GMPR: variants seen among roughly 807,000 people sequenced by gnomAD.
The protein encoded by GMPR is GMP reductase 1.
Under a neutral mutation model 38.4 loss-of-function variants are expected in GMPR, and 31 were observed. The observed-to-expected ratio is 0.81, with a 90% confidence interval of 0.61 to 1.09. The LOEUF (loss-of-function observed/expected upper bound fraction) is 1.09. Ranked by LOEUF, GMPR falls within the 50% of genes least tolerant of loss-of-function variation. The pLI is 0.00. For synonymous variants in GMPR, 162 were observed against 173.3 expected (o/e 0.93, Z 0.51); for missense variants, 468 against 453.7 (o/e 1.03, Z -0.29).
intron 3 of GMPR, among the ~76,000 whole-genome samples, chr6:16,251,944 G>A (rs1758884092): frequency 6.6e-6 from 1 of 152,120 alleles, no homozygotes; most frequent in East Asian, 1.9e-4. Context: ...GCCACAGACA[G>A]GTCTCCCTGG....
rs114106077 is a variant in GMPR, at chr6:16,263,620, A to C, written c.465+8885A>C. On this transcript the variant is annotated intron_variant, in intron 4 of 8. Coordinates refer to ENST00000259727, the MANE Select transcript of GMPR (RefSeq NM_006877.4). ...AGAGATAAGAGGTCGGGTTGCAGAG[A>C]TAAGAGGTCGGGGCACGGAAATAAG... Among the ~76,000 whole-genome samples the C allele has an allele frequency of 9.4e-3, 1,432 of 151,722 alleles. 26 individuals carry two copies. Among genetic ancestry groups the C allele is most frequent in the African/African-American group, 0.032 (1,338 of 41,350 alleles).
At chr6:16,282,567 T>G (rs1215705180) in intron 6 of GMPR, among the ~76,000 whole-genome samples, 2 of 152,222 alleles carry the variant, frequency 1.3e-5, no homozygotes, top group Non-Finnish European at 2.9e-5. Flanking sequence ...CTGAGCCTCT[T>G]TCCACCGTCC....
Position 16,286,390 on chromosome 6 carries a change from C to A in GMPR, c.697+555C>A, listed in dbSNP as rs996201100. Among the ~76,000 whole-genome samples, 11 of 151,916 alleles carry A rather than the reference C, an allele frequency of 7.2e-5. No individual in the cohort carries two copies. The South Asian group carries it at 1.7e-3, about 23-fold the overall frequency. ...TCTCAACACCACAAGCAGTAAAGTA[C>A]GGCTGCCGAGCCATGTGTTGGCCAT... On this transcript the variant is annotated intron_variant, in intron 7 of 8. Transcript: ENST00000259727.
chr6:16,271,539 A>G (rs1481841073), intron 4 of GMPR, among the ~76,000 whole-genome samples: 1 of 152,160 alleles, frequency 6.6e-6, no homozygotes, highest in Non-Finnish European at 1.5e-5. Flanking sequence ...GCTTCTCTAA[A>G]GTTTTTGTGG....
rs143936087 is a variant in GMPR at position 16,259,718 on chromosome 6, A to C, written c.465+4983A>C. On this transcript the variant is annotated intron_variant, in intron 4 of 8. Coordinates refer to ENST00000259727, the MANE Select transcript of GMPR (RefSeq NM_006877.4). Reference sequence around the variant, plus strand: ...ATGAATTGAAAAACTAAACGGAATAAGAGAAGGAGAAAAACAGGTATTAAA... The same window carrying C: ...ATGAATTGAAAAACTAAACGGAATACGAGAAGGAGAAAAACAGGTATTAAA... Among the ~76,000 whole-genome samples the C allele has an allele frequency of 3.7e-3, 559 of 152,226 alleles. 3 individuals are homozygous for C. Among genetic ancestry groups the C allele is most frequent in the African/African-American group, 0.012 (493 of 41,578 alleles).
Position 16,241,960 on chromosome 6 carries a change from A to T in GMPR, c.87+3180A>T, listed in dbSNP as rs186754452. Among the ~76,000 whole-genome samples, 466 of 152,088 alleles carry T rather than the reference A, an allele frequency of 3.1e-3. 6 individuals are homozygous for T. Among genetic ancestry groups the T allele is most frequent in the African/African-American group, 0.011 (458 of 41,472 alleles). On this transcript the variant is annotated intron_variant, in intron 1 of 8. Coordinates refer to ENST00000259727, the MANE Select transcript of GMPR (RefSeq NM_006877.4). The stretch of plus-strand genomic sequence containing the variant: ...CACCGTGTTGGCCAGGCTGGTCTTG[A>T]ACTCTTGACTTCAGGTGATCTGCCT...
chr6:16,282,974 A>G (rs560358364), intron 6 of GMPR, among the ~76,000 whole-genome samples: 5 of 151,656 alleles, frequency 3.3e-5, no homozygotes. Context: ...ACACCCAACT[A>G]ATTTCTGTAG....
chr6:16,295,116 A>C lies in GMPR; in HGVS notation c.968A>C (p.Lys323Thr), dbSNP rs1759911975. 3 of 1,579,196 alleles carry C rather than the reference A, an allele frequency of 1.9e-6. No homozygotes were observed. Among genetic ancestry groups the C allele is most frequent in the Middle Eastern group, 1.7e-4 (1 of 5,864 alleles). Residue 323 changes from lysine to threonine, a missense_variant, in exon 9 of 9, where the codon AAA (lysine) becomes ACA (threonine). Transcript: ENST00000259727. ...RSTCTYVGAA[K>T]LKELSRRATF... ...ACGTGCACCTACGTGGGGGCCGCCA[A>C]ACTCAAGGAGCTCAGCAGGAGGGCA...
At position 16,246,861 on chromosome 6, in the gene GMPR, TCA is replaced by T. The variant is rs1758767517; in HGVS notation, c.109_110del (p.Thr37ValfsTer25). ...CAACAGGTGGATCTTGAACGCACCT[TCA>T]CGTTTCGAAATTCAAAGCAGACCTA... is the stretch of plus-strand genomic sequence containing the variant. On this transcript the variant is annotated frameshift_variant, in exon 2 of 9. Transcript: ENST00000259727. LOFTEE classifies it high-confidence loss of function. 1 of 1,613,538 alleles carries T rather than the reference TCA, an allele frequency of 6.2e-7. No homozygotes were observed. Among genetic ancestry groups the T allele is most frequent in the South Asian group, 1.1e-5 (1 of 91,064 alleles).
At chr6:16,273,517 G>T (rs573617579) in intron 4 of GMPR, among the ~76,000 whole-genome samples, 4 of 152,308 alleles carry the variant, frequency 2.6e-5, no homozygotes, top group African/African-American at 9.6e-5. Context: ...ACTTCCTGGA[G>T]GCTTGTGTGT....
At chr6:16,286,616 T>G (rs1759686454) in intron 7 of GMPR, among the ~76,000 whole-genome samples, 1 of 152,056 alleles carries the variant, frequency 6.6e-6, no homozygotes, top group Non-Finnish European at 1.5e-5. Flanking sequence ...TTGGTTTTTG[T>G]TTTTAATTTT....
Position 16,238,656 on chromosome 6 carries a change from C to CCGCCGT in GMPR, c.-32_-27dup. 4.6e-6 allele frequency: 5 copies of CCGCCGT among 1,091,538 alleles called. No homozygotes were observed. Among genetic ancestry groups the CCGCCGT allele is most frequent in the Non-Finnish European group, 5.9e-6 (5 of 844,738 alleles). The allele number at this position is 1,091,538 out of a possible 1,614,324, so 67.6% of individuals were successfully genotyped here. A position where few individuals can be genotyped will look rare whatever the true frequency, so the allele number is the denominator to read the frequency against. On this transcript the variant is annotated 5_prime_UTR_variant, in exon 1 of 9. Coordinates refer to ENST00000259727, the MANE Select transcript of GMPR (RefSeq NM_006877.4). ...GCCGCCCCGCGCAGGCGCCCCCGCCCCGCCGTCGCCGCCGCCGCAGCCAGG... is the reference window on the plus strand; with the variant it reads ...GCCGCCCCGCGCAGGCGCCCCCGCCCCGCCGTCGCCGTCGCCGCCGCCGCAGCCAGG...
chr6:16,240,474 CA>C (rs1388850207), intron 1 of GMPR, among the ~76,000 whole-genome samples: 1 of 151,846 alleles, frequency 6.6e-6, no homozygotes, highest in Non-Finnish European at 1.5e-5. Flanking sequence ...CTGGAGATTA[CA>C]ACAAAAATTT....
intron 4 of GMPR, among the ~76,000 whole-genome samples, chr6:16,273,104 G>T (rs1012744954): frequency 6.6e-6 from 1 of 152,066 alleles, no homozygotes; most frequent in Non-Finnish European, 1.5e-5. Context: ...TCCTCTTTCT[G>T]GGCCATCTGT....
intron 4 of GMPR, among the ~76,000 whole-genome samples, chr6:16,270,981 G>A (rs887819128): frequency 2.2e-4 from 33 of 152,124 alleles, no homozygotes; most frequent in African/African-American, 8.0e-4. Flanking sequence ...GAGGCCAGGA[G>A]TTAGAGACCA....
chr6:16,267,969 C>A (rs2113688672), intron 4 of GMPR, among the ~76,000 whole-genome samples: 1 of 152,290 alleles, frequency 6.6e-6, no homozygotes, highest in African/African-American at 2.4e-5. Flanking sequence ...AGGTTCTGAG[C>A]CACACAGATG....
intron 5 of GMPR, 118 bp from the exon 6 acceptor site, chr6:16,278,666 C>A: frequency 1.3e-6 from 1 of 746,664 alleles, no homozygotes; most frequent in Non-Finnish European, 2.4e-6. Context: ...ATCTCCTCTG[C>A]CACAGAGGTT....
chr6:16,244,612 G>A (rs762981434), intron 1 of GMPR, among the ~76,000 whole-genome samples: 1 of 152,116 alleles, frequency 6.6e-6, no homozygotes, highest in Non-Finnish European at 1.5e-5. Context: ...TGGGGGAGGG[G>A]ACTTTGTTAC....
intron 3 of GMPR, among the ~76,000 whole-genome samples, chr6:16,252,838 C>T (rs748064166): frequency 6.6e-6 from 1 of 152,092 alleles, no homozygotes; most frequent in Non-Finnish European, 1.5e-5. Flanking sequence ...GAGGCCCAGG[C>T]GTGAATGCAC....
Sources: gnomAD v4.1 joint callset for allele counts (sites outside exome capture counted in the v4.1 genomes callset) on GRCh38, gnomAD v4.1.1 for gene constraint, MANE v1.5 for transcripts, NCBI Gene and HGNC (gene_info 2026-07-23, HGNC 2026-07-21) for gene names.